TMEM178B: variants seen among roughly 807,000 people sequenced by gnomAD.
TMEM178B encodes the protein transmembrane protein 178B.
A neutral mutation model predicts 31.0 loss-of-function variants in TMEM178B; 5 were observed. That is an observed-to-expected ratio of 0.16 (90% CI 0.08 to 0.34). The LOEUF is 0.34. Among genes scored for constraint, TMEM178B ranks in the 10% least tolerant of loss-of-function variants. TMEM178B has a pLI of 1.00. For synonymous variants in TMEM178B, 164 were observed against 164.0 expected, an observed-to-expected ratio of 1.00 and a Z score of 0.00; for missense variants, 275 against 400.3, an observed-to-expected ratio of 0.69 and a Z score of 2.67.
intron 2 of TMEM178B, among the ~76,000 whole-genome samples, chr7:141,277,797 A>G (rs547136547): frequency 6.6e-6 from 1 of 152,306 alleles, no homozygotes; most frequent in South Asian, 2.1e-4. Flanking sequence ...AAATGTTGAG[A>G]GTCCTGGGCA....
chr7:141,355,197 T>C (rs1026050089), intron 2 of TMEM178B, among the ~76,000 whole-genome samples: 6 of 152,154 alleles, frequency 3.9e-5, no homozygotes, highest in African/African-American at 1.2e-4. Context: ...TCCAGCTTTA[T>C]TGAAGGGAAT....
chr7:141,264,527 A>T (rs1484799473), intron 2 of TMEM178B, among the ~76,000 whole-genome samples: 3 of 152,224 alleles, frequency 2.0e-5, no homozygotes, highest in Non-Finnish European at 4.4e-5. Flanking sequence ...TGTAGCTGGC[A>T]AGGAAGGGAT....
intron 2 of TMEM178B, among the ~76,000 whole-genome samples, chr7:141,435,550 G>T (rs1049826083): frequency 6.6e-6 from 1 of 152,188 alleles, no homozygotes; most frequent in African/African-American, 2.4e-5. Context: ...AAGGTATAGG[G>T]CTGGTGGCCA....
chr7:141,432,619 A>G (rs969954134), intron 2 of TMEM178B, among the ~76,000 whole-genome samples: 9 of 152,012 alleles, frequency 5.9e-5, no homozygotes, highest in Non-Finnish European at 4.4e-5. Context: ...TTTGTTCCCC[A>G]CCTAGTTCTT....
chr7:141,099,759 A>G (rs1321961261), intron 1 of TMEM178B, among the ~76,000 whole-genome samples: 1 of 151,934 alleles, frequency 6.6e-6, no homozygotes, highest in African/African-American at 2.4e-5. Flanking sequence ...ATTGACTCCT[A>G]TATCCAGCTC....
chr7:141,110,509 G>GA (rs1355278892), intron 1 of TMEM178B, among the ~76,000 whole-genome samples: 1 of 152,174 alleles, frequency 6.6e-6, no homozygotes, highest in Non-Finnish European at 1.5e-5. Flanking sequence ...TAGGTATGAA[G>GA]AAGAGAGGCA....
chr7:141,492,191 A>G, the TMEM178B span, among the ~76,000 whole-genome samples: 1 of 151,972 alleles, frequency 6.6e-6, no homozygotes, highest in Non-Finnish European at 1.5e-5. Context: ...CTGACCTCTC[A>G]ATCTCCCCAT....
chr7:141,354,090 G>T (rs1336233590), intron 2 of TMEM178B, among the ~76,000 whole-genome samples: 1 of 152,200 alleles, frequency 6.6e-6, no homozygotes, highest in Non-Finnish European at 1.5e-5. Flanking sequence ...GCAAATCTGA[G>T]AACTAGCCCA....
intron 2 of TMEM178B, among the ~76,000 whole-genome samples, chr7:141,435,277 A>G (rs1027157393): frequency 2.0e-5 from 3 of 152,226 alleles, no homozygotes; most frequent in Non-Finnish European, 2.9e-5. Flanking sequence ...ATCCAAAACT[A>G]TACATCCTGT....
At chr7:141,428,837 C>T (rs1281465934) in intron 2 of TMEM178B, among the ~76,000 whole-genome samples, 3 of 152,208 alleles carry the variant, frequency 2.0e-5, no homozygotes, top group African/African-American at 7.2e-5. Flanking sequence ...CACTCCTGTT[C>T]TAAAACTTGC....
intron 1 of TMEM178B, among the ~76,000 whole-genome samples, chr7:141,142,970 T>G (rs1795798512): frequency 6.6e-6 from 1 of 152,218 alleles, no homozygotes; most frequent in Non-Finnish European, 1.5e-5. Flanking sequence ...TCTTTGATGA[T>G]TAGTTATGTG....
At chr7:141,151,304 A>G (rs912947949) in intron 1 of TMEM178B, among the ~76,000 whole-genome samples, 2 of 152,134 alleles carry the variant, frequency 1.3e-5, no homozygotes, top group African/African-American at 4.8e-5. Flanking sequence ...TCATTATCTT[A>G]TTTAGACCTC....
chr7:141,080,266 A>G (rs749196995), intron 1 of TMEM178B, among the ~76,000 whole-genome samples: 7 of 152,228 alleles, frequency 4.6e-5, no homozygotes, highest in Non-Finnish European at 8.8e-5. Flanking sequence ...GCTGTGCATC[A>G]GGTACAGTGT....
the TMEM178B span, among the ~76,000 whole-genome samples, chr7:141,496,669 C>CAAA: frequency 0.043 from 1,428 of 33,112 alleles, 151 homozygotes; most frequent in African/African-American, 0.15. Flanking sequence ...GACTCCGTCT[C>CAAA]AAAAAAAAAA....
rs1467258212 is a variant in TMEM178B at position 141,471,448 on chromosome 7, AACC to A, written c.*663_*665del. ...AGGACGCTTCGGTGGATGCTCAGACAACCCAGTCTTACCTTCCAGCTGCCTTAC... is the reference window on the plus strand; with the variant it reads ...AGGACGCTTCGGTGGATGCTCAGACACAGTCTTACCTTCCAGCTGCCTTAC... On this transcript the variant is annotated 3_prime_UTR_variant, in exon 4 of 4. Coordinates refer to ENST00000565468, the MANE Select transcript of TMEM178B (RefSeq NM_001195278.2). The surrounding 1 kb of genome is among the most constrained non-coding windows in gnomAD (Gnocchi z 4.1). 2 of 152,190 alleles carry A rather than the reference AACC, an allele frequency of 1.3e-5. No homozygotes were observed. Among genetic ancestry groups the A allele is most frequent in the African/African-American group, 4.8e-5 (2 of 41,426 alleles). The allele number at this position is 152,190 out of a possible 1,614,324, so 9.4% of individuals were successfully genotyped here.
chr7:141,091,588 A>G (rs946727350), intron 1 of TMEM178B, among the ~76,000 whole-genome samples: 2 of 152,220 alleles, frequency 1.3e-5, no homozygotes, highest in East Asian at 1.9e-4. Flanking sequence ...ATCAGAGACC[A>G]TAATGGCTTC....
the TMEM178B span, among the ~76,000 whole-genome samples, chr7:141,500,775 T>G: frequency 1.3e-5 from 2 of 152,162 alleles, no homozygotes; most frequent in Non-Finnish European, 2.9e-5. Flanking sequence ...CTGACTAGAA[T>G]AGATCCACCC....
At chr7:141,209,249 C>T (rs1442063187) in intron 1 of TMEM178B, among the ~76,000 whole-genome samples, 3 of 152,158 alleles carry the variant, frequency 2.0e-5, no homozygotes, top group East Asian at 1.9e-4. Context: ...CTAGTTGCCC[C>T]GGGGCTACAT....
In TMEM178B at chr7:141,074,589, C is replaced by A. The variant is rs1317661978; in HGVS notation, c.279C>A (p.Pro93=). The A allele has an allele frequency of 2.0e-6, 3 of 1,535,772 alleles. No homozygotes were observed. In the African/African-American group the frequency reaches 4.1e-5, roughly 21 times the overall value. ...RNRRQLFAMS[P]ADECSRQYNS... is the part of the protein sequence containing the mutation. ...GCCGGCAGCTGTTCGCCATGAGCCC[C>A]GCGGACGAGTGCAGCCGGCAGTACA... The change falls in exon 1 of 4, where the codon CCC becomes CCA. Residue 93 remains proline, a synonymous_variant. Coordinates refer to ENST00000565468, the MANE Select transcript of TMEM178B (RefSeq NM_001195278.2). This position sits in a 1 kb window ranked among gnomAD's most constrained non-coding sequence, Gnocchi z 5.1.
Sources: gnomAD v4.1 joint callset for allele counts (sites outside exome capture counted in the v4.1 genomes callset) on GRCh38, gnomAD v4.1.1 for gene constraint, Gnocchi (gnomAD v3.1) non-coding constraint, MANE v1.5 for transcripts, NCBI Gene and HGNC (gene_info 2026-07-23, HGNC 2026-07-21) for gene names.